CRBN: variants seen among roughly 807,000 people sequenced by gnomAD.
The protein encoded by CRBN is protein cereblon.
A neutral mutation model predicts 62.2 loss-of-function variants in CRBN; 53 were observed. That is an observed-to-expected ratio of 0.85 (90% CI 0.68 to 1.07). The LOEUF (loss-of-function observed/expected upper bound fraction) is 1.07, where lower values mean the gene tolerates loss of function less well. Among genes scored for constraint, CRBN ranks in the 50% least tolerant of loss-of-function variants. The pLI is 0.00. For missense variants in CRBN, 616 were observed against 531.1 expected (o/e 1.16, Z -1.57); for synonymous variants, 208 against 176.1 (o/e 1.18, Z -1.43).
chr3:3,164,235 C>A lies in CRBN; in HGVS notation c.687+3399G>T, dbSNP rs79784121. On this transcript the variant is annotated intron_variant, in intron 5 of 10. Coordinates refer to ENST00000231948, the MANE Select transcript of CRBN (RefSeq NM_016302.4). Reference sequence around the variant, plus strand: ...TAGTCAAGCATCTCTCACTTTAAATCAAAAGCTAAAAATGATAAAGCTTAG... The same window carrying A: ...TAGTCAAGCATCTCTCACTTTAAATAAAAAGCTAAAAATGATAAAGCTTAG... Among the ~76,000 whole-genome samples, 1,223 of 152,238 alleles carry A rather than the reference C, an allele frequency of 8.0e-3. 9 individuals are homozygous for A. The highest frequency in any genetic ancestry group is 0.027 in the African/African-American group (1,139 of 41,530).
Position 3,172,758 on chromosome 3 carries a change from GTA to G in CRBN, c.527+16_527+17del, listed in dbSNP as rs1559256146. 1.2e-6 allele frequency: 2 copies of G among 1,607,092 alleles called. No homozygotes were observed. Among genetic ancestry groups the G allele is most frequent in the East Asian group, 2.2e-5 (1 of 44,800 alleles). The stretch of plus-strand genomic sequence containing the variant: ...TAGGAAACATTCAAAGAGCATTAAG[GTA>G]TATGTTATTTCTTACCCATCTGACT... On this transcript the variant is annotated intron_variant, in intron 4 of 10. Transcript: ENST00000231948.
At chr3:3,157,172 T>A (rs1424644589) in intron 5 of CRBN, among the ~76,000 whole-genome samples, 3 of 152,206 alleles carry the variant, frequency 2.0e-5, no homozygotes, top group Non-Finnish European at 4.4e-5. Flanking sequence ...ACTGAAGGGA[T>A]GCACTGCAGC....
intron 5 of CRBN, among the ~76,000 whole-genome samples, chr3:3,161,806 T>C (rs750949070): frequency 2.0e-5 from 3 of 152,240 alleles, no homozygotes; most frequent in Non-Finnish European, 4.4e-5. Context: ...GTACATGTTA[T>C]TTAGTACAGA....
intron 1 of CRBN, among the ~76,000 whole-genome samples, chr3:3,178,714 A>T (rs540751189): frequency 1.6e-4 from 24 of 152,324 alleles, no homozygotes; most frequent in African/African-American, 5.8e-4. Flanking sequence ...CCGCCTAGAC[A>T]GTAAACCTCA....
chr3:3,156,170 T>C, intron 6 of CRBN, 49 bp downstream of exon 6: 1 of 1,468,776 alleles, frequency 6.8e-7, no homozygotes, highest in Non-Finnish European at 9.5e-7. Context: ...GACCCTTAAT[T>C]ATGACATGGC....
chr3:3,152,659 A>C, intron 9 of CRBN, 72 bp from the exon 10 acceptor site: 2 of 1,567,680 alleles, frequency 1.3e-6, no homozygotes, highest in Non-Finnish European at 8.8e-7. Context: ...TTAGAATTTT[A>C]TTGAAGTTCA....
chr3:3,175,402 G>T lies in CRBN; in HGVS notation c.68-133C>A, dbSNP rs771534598. On this transcript the variant is annotated intron_variant, in intron 1 of 10. Coordinates refer to ENST00000231948, the MANE Select transcript of CRBN (RefSeq NM_016302.4). ...TAAACTCTACAGCACCGTGAAGAGG[G>T]AGCCAGAGGACTGGGGTCCGTGCTG... 4.3e-6 allele frequency: 3 copies of T among 690,240 alleles called. No homozygotes were observed. The East Asian group carries it at 8.0e-5, about 18-fold the overall frequency. The allele number at this position is 690,240 out of a possible 1,614,324, so 42.8% of individuals were successfully genotyped here.
chr3:3,159,052 C>A (rs1707029265), intron 5 of CRBN, among the ~76,000 whole-genome samples: 3 of 152,156 alleles, frequency 2.0e-5, no homozygotes. Context: ...TGAAGAAGAA[C>A]ATGTTTGCTT....
intron 4 of CRBN, among the ~76,000 whole-genome samples, chr3:3,171,524 C>T (rs1008735204): frequency 2.6e-5 from 4 of 152,106 alleles, no homozygotes; most frequent in African/African-American, 9.7e-5. Context: ...AAAATCCTGT[C>T]AGGACAGTGC....
rs1260227175 is a variant in CRBN, at chr3:3,172,945, A to C, written c.378-20T>G. ...ACATTGCTTCCAAGAAAATTTTAAA[A>C]GGAAAGAATTTTGAACATTTGAGTT... On this transcript the variant is annotated intron_variant, in intron 3 of 10. Coordinates refer to ENST00000231948, the MANE Select transcript of CRBN (RefSeq NM_016302.4). The C allele has an allele frequency of 6.2e-7, 1 of 1,608,896 alleles. No individual in the cohort carries two copies. Among genetic ancestry groups the C allele is most frequent in the Admixed American group, 1.7e-5 (1 of 60,026 alleles).
rs924861317 is a variant in CRBN at position 3,151,919 on chromosome 3, T to TTTACA, written c.1148+532_1148+536dup. On this transcript the variant is annotated intron_variant, in intron 10 of 10. Coordinates refer to ENST00000231948, the MANE Select transcript of CRBN (RefSeq NM_016302.4). ...CATTGCTTTGTAAACATTCTCCGGT[T>TTTACA]TTACATTACTACAGAATATGGTCCA... 7.2e-5 allele frequency among the ~76,000 whole-genome samples: 11 copies of TTTACA among 152,300 alleles called. 1 individual carries two copies. The highest frequency in any genetic ancestry group is 5.9e-4 in the Admixed American group (9 of 15,302).
At position 3,166,081 on chromosome 3, in the gene CRBN, G is replaced by C. The variant is rs144049829; in HGVS notation, c.687+1553C>G. Among the ~76,000 whole-genome samples, 625 of 152,186 alleles carry C rather than the reference G, an allele frequency of 4.1e-3. 9 individuals are homozygous for C. Among genetic ancestry groups the C allele is most frequent in the African/African-American group, 0.014 (600 of 41,510 alleles). ...ATTTAAAGTGTCTGTATCTGGTATG[G>C]GGAAGAAAGTATTGCACGGTGATAT... On this transcript the variant is annotated intron_variant, in intron 5 of 10. Coordinates refer to ENST00000231948, the MANE Select transcript of CRBN (RefSeq NM_016302.4).
chr3:3,162,029 G>A (rs968559772), intron 5 of CRBN, among the ~76,000 whole-genome samples: 1 of 152,204 alleles, frequency 6.6e-6, no homozygotes, highest in Non-Finnish European at 1.5e-5. Context: ...TAATCTGGGA[G>A]ATTACGTATG....
intron 1 of CRBN, among the ~76,000 whole-genome samples, chr3:3,176,796 T>C (rs935069029): frequency 6.6e-6 from 1 of 152,222 alleles, no homozygotes; most frequent in Non-Finnish European, 1.5e-5. Context: ...TAATTTTAAA[T>C]TTAAAAATAA....
intron 7 of CRBN, 156 bp from the exon 8 acceptor site, chr3:3,154,231 G>A (rs1210806739): frequency 3.2e-6 from 2 of 618,794 alleles, no homozygotes; most frequent in Non-Finnish European, 5.7e-6. Flanking sequence ...AGCTGTCAAA[G>A]ATACACTTTT....
chr3:3,167,531 G>C, intron 5 of CRBN, 103 bp downstream of exon 5: 1 of 1,122,328 alleles, frequency 8.9e-7, no homozygotes, highest in South Asian at 1.3e-5. Context: ...GCCATACAAG[G>C]TGGCTGGGTA....
intron 2 of CRBN, 53 bp from the exon 3 acceptor site, chr3:3,174,314 G>A (rs1707744281): frequency 1.4e-6 from 2 of 1,387,010 alleles, no homozygotes; most frequent in Non-Finnish European, 2.0e-6. Context: ...TAATAAAAAT[G>A]TAAGCTCAAC....
intron 4 of CRBN, chr3:3,172,506 C>G (rs1185094105): frequency 2.2e-6 from 1 of 463,714 alleles, no homozygotes; most frequent in African/African-American, 2.0e-5. Context: ...TTAGAATCAC[C>G]TGAAAATCAT....
chr3:3,163,100 G>C (rs1173728468), intron 5 of CRBN, among the ~76,000 whole-genome samples: 1 of 152,188 alleles, frequency 6.6e-6, no homozygotes, highest in Non-Finnish European at 1.5e-5. Flanking sequence ...CTCTAAAGCA[G>C]AACAGAGTTT....
Sources: allele counts gnomAD v4.1 joint callset (sites outside exome capture counted in the v4.1 genomes callset), GRCh38; gene constraint gnomAD v4.1.1; transcripts MANE v1.5; gene names NCBI Gene and HGNC (gene_info 2026-07-23, HGNC 2026-07-21).